RIMBP2: variants seen among roughly 807,000 people sequenced by gnomAD.
RIMBP2 encodes RIMS binding protein 2.
In RIMBP2, 48 loss-of-function variants were observed where a neutral mutation model predicts 118.6. The ratio of observed to expected loss-of-function variants is 0.40; its 90% CI spans 0.32 to 0.51. The LOEUF is 0.51. Ranked by LOEUF, RIMBP2 falls within the 20% of genes least tolerant of loss-of-function variation. The pLI is 0.41. For missense variants in RIMBP2, 1,551 were observed against 1,768.3 expected, an observed-to-expected ratio of 0.88 and a Z score of 2.20; for synonymous variants, 762 against 742.9, an observed-to-expected ratio of 1.03 and a Z score of -0.42.
At chr12:130,454,352 AAG>A (rs549319437) in intron 7 of RIMBP2, among the ~76,000 whole-genome samples, 176 of 152,368 alleles carry the variant, frequency 1.2e-3, no homozygotes, top group Non-Finnish European at 2.2e-3. Flanking sequence ...AGAATAAAAC[AAG>A]AGGAGACCCT....
chr12:130,475,255 G>A lies in RIMBP2; in HGVS notation c.102+3657C>T, dbSNP rs145979376. Reference sequence around the variant, plus strand: ...ATGATCTTACGTGCTTCTCCCGACCGCCATGCAGGGCAGGAGGACAGGTGG... The same window carrying A: ...ATGATCTTACGTGCTTCTCCCGACCACCATGCAGGGCAGGAGGACAGGTGG... On this transcript the variant is annotated intron_variant, in intron 5 of 22. Coordinates refer to ENST00000690449, the MANE Select transcript of RIMBP2 (RefSeq NM_001393629.1). This position sits in a 1 kb window ranked among gnomAD's most constrained non-coding sequence, Gnocchi z 4.1. Among the ~76,000 whole-genome samples the A allele has an allele frequency of 3.9e-4, 59 of 152,296 alleles. No individual in the cohort carries two copies. Among genetic ancestry groups the A allele is most frequent in the Middle Eastern group, 3.4e-3 (1 of 294 alleles).
intron 21 of RIMBP2, among the ~76,000 whole-genome samples, chr12:130,405,532 A>G (rs930563319): frequency 5.3e-5 from 8 of 152,144 alleles, no homozygotes; most frequent in African/African-American, 1.9e-4. Context: ...ACTTGTAAAG[A>G]TGCCCCAGCT....
intron 2 of RIMBP2, among the ~76,000 whole-genome samples, chr12:130,544,622 T>C (rs867218407): frequency 2.0e-4 from 21 of 107,278 alleles, no homozygotes; most frequent in Middle Eastern, 0.02. Context: ...TTTTTTGAGA[T>C]GGAGTCTCAC....
intron 2 of RIMBP2, among the ~76,000 whole-genome samples, chr12:130,573,501 TA>T (rs1373789782): frequency 6.6e-6 from 1 of 152,040 alleles, no homozygotes; most frequent in Non-Finnish European, 1.5e-5. Context: ...TTACTGGAGA[TA>T]TAGACGTGAT....
At chr12:130,549,527 T>C (rs2055523129) in intron 2 of RIMBP2, among the ~76,000 whole-genome samples, 2 of 152,156 alleles carry the variant, frequency 1.3e-5, no homozygotes, top group Admixed American at 6.5e-5. Context: ...CACCCTCCAG[T>C]AGGCCCCAGT....
rs556631178 is a variant in RIMBP2 at position 130,407,721 on chromosome 12, G to A, written c.3693+5C>T. The A allele has an allele frequency of 1.2e-6, 2 of 1,610,730 alleles. No individual in the cohort carries two copies. The highest frequency in any genetic ancestry group is 2.2e-5 in the South Asian group (2 of 90,980). On this transcript the variant is annotated splice_donor_5th_base_variant and intron_variant, in intron 20 of 22. Transcript: ENST00000690449. ...CCGTCATGAAGTGCAGTGTTTGGCT[G>A]GTACCTCGACATCGACGTTGGGCGA...
intron 1 of RIMBP2, among the ~76,000 whole-genome samples, chr12:130,702,838 CT>C (rs1450922158): frequency 1.3e-5 from 2 of 152,088 alleles, no homozygotes; most frequent in Non-Finnish European, 2.9e-5. Context: ...TGCTTAATTT[CT>C]TGGGGCCGCT....
rs973924896 is a variant in RIMBP2 at position 130,447,220 on chromosome 12, C to T, written c.582-1951G>A. On this transcript the variant is annotated intron_variant, in intron 9 of 22. Coordinates refer to ENST00000690449, the MANE Select transcript of RIMBP2 (RefSeq NM_001393629.1). The surrounding 1 kb of genome is among the most constrained non-coding windows in gnomAD (Gnocchi z 4.4). ...CCCTGAGAGCTTGAGAGGGAAGCCG[C>T]GGAGGCCAAGAGGGAAGGTGAACAC... Among the ~76,000 whole-genome samples the T allele has an allele frequency of 5.9e-5, 9 of 151,734 alleles. No individual in the cohort carries two copies. Among genetic ancestry groups the T allele is most frequent in the East Asian group, 3.9e-4 (2 of 5,176 alleles).
chr12:130,400,005 C>G (rs1330097892), intron 21 of RIMBP2, among the ~76,000 whole-genome samples, 192 bp from the exon 22 acceptor site: 1 of 152,170 alleles, frequency 6.6e-6, no homozygotes, highest in East Asian at 1.9e-4. Context: ...TCCTAAGCCC[C>G]TTTCCTGGGG....
At chr12:130,404,339 C>G (rs1163947471) in intron 21 of RIMBP2, among the ~76,000 whole-genome samples, 1 of 152,128 alleles carries the variant, frequency 6.6e-6, no homozygotes, top group Admixed American at 6.5e-5. Context: ...TCACTGTCAC[C>G]CAGGCTGGAG....
Position 130,456,506 on chromosome 12 carries a change from G to A in RIMBP2, c.348C>T (p.Ser116=), listed in dbSNP as rs144527552. The A allele has an allele frequency of 3.7e-5, 58 of 1,588,262 alleles. No homozygotes were observed. The African/African-American group carries it at 7.1e-4, about 19-fold the overall frequency. The part of the protein sequence containing the change: ...FPQFMNGLAT[S]LGKGQESAIG... The stretch of plus-strand genomic sequence containing the variant: ...GGTCCAGGCGCTTACCTTTGCCGAG[G>A]GAGGTGGCTAGGCCATTCATGAACT... Residue 116 remains serine, a synonymous_variant, in exon 7 of 23, where the codon TCC becomes TCT. Transcript: ENST00000690449.
At chr12:130,441,739 G>T (rs764175201) in intron 11 of RIMBP2, 109 bp downstream of exon 11, 6 of 952,752 alleles carry the variant, frequency 6.3e-6, no homozygotes, top group Non-Finnish European at 9.4e-6. Context: ...GGGTCATGTT[G>T]TCAGGATGGG....
In RIMBP2 at chr12:130,424,238, A is replaced by G; in HGVS notation, c.3033T>C (p.Asp1011=). 8.1e-7 allele frequency: 1 copy of G among 1,231,590 alleles called. No individual in the cohort carries two copies. The highest frequency in any genetic ancestry group is 1.6e-5 in the African/African-American group (1 of 64,372). The allele number at this position is 1,231,590 out of a possible 1,614,324, so 76.3% of individuals were successfully genotyped here. A position where few individuals can be genotyped will look rare whatever the true frequency, so the allele number is the denominator to read the frequency against. ...TGCTTTTCTTCCAGACACCCCGAAA[A>G]TCTTGGTGCTCGGTGGGCTCGCCCC... ...HGWGEPTEHQ[D]FRGVWKKSIT... Residue 1011 remains aspartate, a synonymous_variant, in exon 16 of 23, where the codon GAT becomes GAC. Transcript: ENST00000690449. This position sits in a 1 kb window ranked among gnomAD's most constrained non-coding sequence, Gnocchi z 9.8.
intron 5 of RIMBP2, among the ~76,000 whole-genome samples, chr12:130,477,283 T>C (rs553395354): frequency 2.0e-5 from 3 of 152,314 alleles, no homozygotes; most frequent in Admixed American, 1.3e-4. Flanking sequence ...ACTCCAGGCT[T>C]CTAGAGAATG....
At chr12:130,577,831 G>A (rs1424478537) in intron 2 of RIMBP2, among the ~76,000 whole-genome samples, 6 of 152,068 alleles carry the variant, frequency 3.9e-5, no homozygotes, top group Admixed American at 6.6e-5. Flanking sequence ...CCAACCCTCA[G>A]AGCTAATGTG....
At chr12:130,553,064 A>C (rs1055500344) in intron 2 of RIMBP2, among the ~76,000 whole-genome samples, 4 of 151,740 alleles carry the variant, frequency 2.6e-5, no homozygotes, top group Non-Finnish European at 5.9e-5. Context: ...GAGGCAGGAG[A>C]ATGGCGTGAA....
At position 130,621,305 on chromosome 12, in the gene RIMBP2, C is replaced by T. The variant is rs983121078; in HGVS notation, c.-217+7017G>A. 1.5e-4 allele frequency among the ~76,000 whole-genome samples: 23 copies of T among 152,140 alleles called. No individual in the cohort carries two copies. Among genetic ancestry groups the T allele is most frequent in the African/African-American group, 5.6e-4 (23 of 41,420 alleles). On this transcript the variant is annotated intron_variant, in intron 2 of 22. Coordinates refer to ENST00000690449, the MANE Select transcript of RIMBP2 (RefSeq NM_001393629.1). This position sits in a 1 kb window ranked among gnomAD's most constrained non-coding sequence, Gnocchi z 6.6. The stretch of plus-strand genomic sequence containing the variant: ...ACACAGCCCTGCTGGCTTTTTGGGC[C>T]TAACTGTAGATATGATAATACAATG...
chr12:130,677,542 C>T (rs2136512967), intron 1 of RIMBP2, among the ~76,000 whole-genome samples: 1 of 152,268 alleles, frequency 6.6e-6, no homozygotes, highest in African/African-American at 2.4e-5. Context: ...GCAGGAGAAT[C>T]ACTTGAACCT....
At chr12:130,501,545 G>A (rs540453531) in intron 4 of RIMBP2, among the ~76,000 whole-genome samples, 3 of 152,308 alleles carry the variant, frequency 2.0e-5, no homozygotes, top group Admixed American at 1.3e-4. Context: ...CCATGGCAAC[G>A]TCCAGAAGTT....
Sources: gnomAD v4.1 joint callset for allele counts (sites outside exome capture counted in the v4.1 genomes callset) on GRCh38, gnomAD v4.1.1 for gene constraint, Gnocchi (gnomAD v3.1) non-coding constraint, MANE v1.5 for transcripts, NCBI Gene and HGNC (gene_info 2026-07-23, HGNC 2026-07-21) for gene names.